Variants in PTK7 observed in about 807,000 individuals in gnomAD.
PTK7 encodes the protein inactive tyrosine-protein kinase 7.
PTK7 carries 39 observed loss-of-function variants against 116.6 expected under a neutral mutation model. The ratio of observed to expected loss-of-function variants is 0.33; its 90% CI spans 0.26 to 0.44. The LOEUF (loss-of-function observed/expected upper bound fraction) is 0.44. PTK7 is among the 20% of genes least tolerant of loss of function. The pLI is 1.00. For missense variants in PTK7, 1,169 were observed against 1,425.6 expected, an observed-to-expected ratio of 0.82 and a Z score of 2.90; for synonymous variants, 546 against 563.6, an observed-to-expected ratio of 0.97 and a Z score of 0.44.
intron 1 of PTK7, among the ~76,000 whole-genome samples, chr6:43,113,825 A>G (rs1414151085): frequency 1.1e-4 from 16 of 152,150 alleles, no homozygotes; most frequent in Non-Finnish European, 1.5e-5. Flanking sequence ...AAGGTACTGT[A>G]TTCTTCCTGG....
At position 43,141,616 on chromosome 6, in the gene PTK7, C is replaced by A; in HGVS notation, c.1619-52C>A. On this transcript the variant is annotated intron_variant, in intron 10 of 19. Coordinates refer to ENST00000230419, the MANE Select transcript of PTK7 (RefSeq NM_002821.5). The surrounding 1 kb of genome is among the most constrained non-coding windows in gnomAD (Gnocchi z 4.9). ...GGTGAGGGACTGAAGGCATTGCCAGCTGTCTGTGTAACCCTGATCCTTCCC... is the reference window on the plus strand; with the variant it reads ...GGTGAGGGACTGAAGGCATTGCCAGATGTCTGTGTAACCCTGATCCTTCCC... The A allele has an allele frequency of 6.3e-7, 1 of 1,575,148 alleles. No individual in the cohort carries two copies.
rs1245947214 is a variant in PTK7, at chr6:43,129,586, C to T, written c.368-141C>T. On this transcript the variant is annotated intron_variant, in intron 2 of 19. Coordinates refer to ENST00000230419, the MANE Select transcript of PTK7 (RefSeq NM_002821.5). This position sits in a 1 kb window ranked among gnomAD's most constrained non-coding sequence, Gnocchi z 4.5. ...ACTTAGTATCTGGTAACTGTAGCCC[C>T]AGCCTCAGCCTCCAGGGCTTCCTTG... The T allele has an allele frequency of 1.3e-6, 1 of 753,300 alleles. No homozygotes were observed. The highest frequency in any genetic ancestry group is 2.2e-6 in the Non-Finnish European group (1 of 456,978). The allele number at this position is 753,300 out of a possible 1,614,324, so 46.7% of individuals were successfully genotyped here.
At position 43,128,932 on chromosome 6, in the gene PTK7, C is replaced by T. The variant is rs370928641; in HGVS notation, c.80-45C>T. 337 of 1,558,084 alleles carry T rather than the reference C, an allele frequency of 2.2e-4. No homozygotes were observed. The African/African-American group carries it at 4.0e-3, about 19-fold the overall frequency. ...AAGGTGGCCTGTGTTAGGACAGAGG[C>T]TGCAGCTCCCCCTGACCCTGCCTCT... On this transcript the variant is annotated intron_variant, in intron 1 of 19. Transcript: ENST00000230419.
chr6:43,159,830 G>T lies in PTK7; in HGVS notation c.2916G>T (p.Trp972Cys). 6.2e-7 allele frequency: 1 copy of T among 1,614,204 alleles called. No homozygotes were observed. Among genetic ancestry groups the T allele is most frequent in the Non-Finnish European group, 8.5e-7 (1 of 1,180,020 alleles). Residue 972 changes from tryptophan (W) to cysteine (C), a missense_variant, in exon 19 of 20, where the codon TGG (tryptophan) becomes TGT (cysteine). Trp to Cys is a radical substitution (Grantham distance 215, BLOSUM62 -2). Around this residue, in one of 3 missense-constraint regions of PTK7, gnomAD observed 678 missense variants for 853.8 expected, o/e 0.79. Transcript: ENST00000230419. ...GCCAGGCCTGGGTGCCGCTGCGCTG[G>T]ATGTCCCCCGAGGCCATCCTGGAGG... ...HFRQAWVPLR[W>C]MSPEAILEGD...
Position 43,145,222 on chromosome 6 carries a change from G to A in PTK7, c.2430G>A (p.Val810=). Reference sequence around the variant, plus strand: ...CAGGGAAGAGTGAGTTTGGGGAGGTGTTCCTGGCAAAGGCTCAGGGCTTGG... The same window carrying A: ...CAGGGAAGAGTGAGTTTGGGGAGGTATTCCTGGCAAAGGCTCAGGGCTTGG... The part of the protein sequence containing the change: ...TTLGKSEFGE[V]FLAKAQGLEE... Residue 810 remains valine, a synonymous_variant, in exon 16 of 20, where the codon GTG becomes GTA. Coordinates refer to ENST00000230419, the MANE Select transcript of PTK7 (RefSeq NM_002821.5). This position sits in a 1 kb window ranked among gnomAD's most constrained non-coding sequence, Gnocchi z 4.8. 1 of 1,611,650 alleles carries A rather than the reference G, an allele frequency of 6.2e-7. No homozygotes were observed. The highest frequency in any genetic ancestry group is 8.5e-7 in the Non-Finnish European group (1 of 1,178,558).
chr6:43,111,834 ATTCT>A (rs1384579161), intron 1 of PTK7, among the ~76,000 whole-genome samples: 2 of 129,794 alleles, frequency 1.5e-5, no homozygotes, highest in African/African-American at 6.0e-5. Context: ...TGCCCAGCTA[ATTCT>A]TTTTTTTTTT....
At chr6:43,119,941 G>A (rs1248195947) in intron 1 of PTK7, among the ~76,000 whole-genome samples, 4 of 152,170 alleles carry the variant, frequency 2.6e-5, no homozygotes, top group Admixed American at 6.5e-5. Context: ...TGCTTAGTCC[G>A]AGAGCTTTTG....
intron 7 of PTK7, chr6:43,133,212 A>C: frequency 5.7e-6 from 1 of 176,958 alleles, no homozygotes; most frequent in Non-Finnish European, 1.2e-5. Flanking sequence ...TTCTTTACTA[A>C]ACATATTACT....
intron 1 of PTK7, among the ~76,000 whole-genome samples, chr6:43,116,651 T>TGTGTGCGCGCGCGC (rs1323606377): frequency 5.2e-5 from 4 of 77,212 alleles, no homozygotes; most frequent in African/African-American, 1.9e-4. Context: ...TGTGTGTGTG[T>TGTGTGCGCGCGCGC]GCGCGCGCAC....
chr6:43,086,882 C>T (rs1478881709), intron 1 of PTK7, among the ~76,000 whole-genome samples: 2 of 152,102 alleles, frequency 1.3e-5, no homozygotes, highest in Non-Finnish European at 2.9e-5. Flanking sequence ...AACCCTTCCT[C>T]CAGGTAGATG....
chr6:43,084,343 G>C (rs1766540192), intron 1 of PTK7, among the ~76,000 whole-genome samples: 1 of 152,146 alleles, frequency 6.6e-6, no homozygotes, highest in African/African-American at 2.4e-5. Flanking sequence ...AGGTCTTGCT[G>C]TGTTGCCCAG....
intron 1 of PTK7, among the ~76,000 whole-genome samples, chr6:43,117,216 C>T (rs1768609901): frequency 6.6e-6 from 1 of 152,124 alleles, no homozygotes; most frequent in Admixed American, 6.6e-5. Flanking sequence ...ATACATTAAT[C>T]TACTGGGGAG....
chr6:43,082,717 A>C (rs1431213992), intron 1 of PTK7, among the ~76,000 whole-genome samples: 1 of 152,174 alleles, frequency 6.6e-6, no homozygotes, highest in Non-Finnish European at 1.5e-5. Flanking sequence ...GTTTAAATTG[A>C]ATTAGATTTT....
At position 43,130,333 on chromosome 6, in the gene PTK7, C is replaced by T; in HGVS notation, c.574C>T (p.Pro192Ser). The T allele has an allele frequency of 6.2e-7, 1 of 1,613,082 alleles. No individual in the cohort carries two copies. Among genetic ancestry groups the T allele is most frequent in the African/African-American group, 1.3e-5 (1 of 75,052 alleles). ...ERNLTLRPAG[P>S]EHSGLYSCCA... ...GAACCTGACGCTCCGGCCAGCTGGT[C>T]CTGAGCATAGTGGGCTGTATTCCTG... Residue 192 changes from proline (P) to serine (S), a missense_variant, in exon 4 of 20, where the codon CCT becomes TCT. By Grantham distance (74) the Pro-to-Ser change is moderately conservative. This residue lies in a region of PTK7 where 487 missense variants were observed against 549.8 expected (regional missense o/e 0.89). Coordinates refer to ENST00000230419, the MANE Select transcript of PTK7 (RefSeq NM_002821.5).
At chr6:43,086,963 A>G (rs1039033447) in intron 1 of PTK7, among the ~76,000 whole-genome samples, 1 of 152,244 alleles carries the variant, frequency 6.6e-6, no homozygotes, top group Non-Finnish European at 1.5e-5. Flanking sequence ...GCAGTGCACA[A>G]CCTGTACAGT....
At chr6:43,114,940 G>C (rs757794203) in intron 1 of PTK7, among the ~76,000 whole-genome samples, 5 of 151,968 alleles carry the variant, frequency 3.3e-5, no homozygotes, top group Non-Finnish European at 7.4e-5. Flanking sequence ...TACTTAGGAG[G>C]CTGAAGCAGG....
chr6:43,130,447 A>T, intron 4 of PTK7, 27 bp downstream of exon 4: 1 of 1,605,148 alleles, frequency 6.2e-7, no homozygotes, highest in Non-Finnish European at 8.5e-7. Flanking sequence ...GGCGGAAGGG[A>T]TGAGGTGAGC....
chr6:43,119,916 C>G (rs1427688681), intron 1 of PTK7, among the ~76,000 whole-genome samples: 2 of 152,142 alleles, frequency 1.3e-5, no homozygotes, highest in African/African-American at 2.4e-5. Flanking sequence ...CCTGCATTCA[C>G]CTTTGGAAGG....
chr6:43,109,429 G>T (rs1768069962), intron 1 of PTK7, among the ~76,000 whole-genome samples: 1 of 152,030 alleles, frequency 6.6e-6, no homozygotes, highest in South Asian at 2.1e-4. Flanking sequence ...GGAGTTCTAG[G>T]CTTCTCTTGT....
Sources: allele counts gnomAD v4.1 joint callset (sites outside exome capture counted in the v4.1 genomes callset), GRCh38; gene constraint gnomAD v4.1.1; regional missense constraint gnomAD v4.1.1; non-coding constraint Gnocchi (gnomAD v3.1); transcripts MANE v1.5; gene names NCBI Gene and HGNC (gene_info 2026-07-23, HGNC 2026-07-21).